MAEA: variants seen among roughly 807,000 people sequenced by gnomAD.
MAEA encodes macrophage erythroblast attacher, E3 ubiquitin ligase.
In MAEA, 22 loss-of-function variants were observed where a neutral mutation model predicts 46.2. The ratio of observed to expected loss-of-function variants is 0.48; its 90% CI spans 0.34 to 0.68. The LOEUF is 0.68. Among genes scored for constraint, MAEA ranks in the 30% least tolerant of loss-of-function variants. The pLI is 0.01. For synonymous variants in MAEA, 246 were observed against 222.6 expected, an observed-to-expected ratio of 1.11 and a Z score of -0.94; for missense variants, 393 against 558.1, an observed-to-expected ratio of 0.70 and a Z score of 2.98.
rs954954973 is a variant in MAEA, at chr4:1,336,965, G to C, written c.870G>C (p.Leu290=). The change falls in exon 7 of 9, where the codon CTG becomes CTC. Residue 290 remains leucine, a synonymous_variant. Coordinates refer to ENST00000303400, the MANE Select transcript of MAEA (RefSeq NM_001017405.3). ...LGNNSVFTLT[L]QAGLSAIKTP... is the part of the protein sequence containing the mutation. ...ACAATTCTGTGTTCACCCTCACCCT[G>C]CAGGCTGGCCTCTCAGCCATCAAGA... 3.2e-5 allele frequency: 52 copies of C among 1,613,918 alleles called. No individual in the cohort carries two copies. The highest frequency in any genetic ancestry group is 4.2e-5 in the Non-Finnish European group (49 of 1,180,032).
chr4:1,295,254 C>G (rs1734522496), intron 1 of MAEA, among the ~76,000 whole-genome samples: 1 of 152,118 alleles, frequency 6.6e-6, no homozygotes, highest in Non-Finnish European at 1.5e-5. Flanking sequence ...AAGCACACTT[C>G]CTGCCGGGGT....
chr4:1,326,668 C>T (rs907114475), intron 4 of MAEA, among the ~76,000 whole-genome samples: 1 of 151,616 alleles, frequency 6.6e-6, no homozygotes, highest in African/African-American at 2.4e-5. Context: ...CCAGCAGCCC[C>T]AACTCGGCCT....
At chr4:1,301,616 C>T (rs1735327990) in intron 1 of MAEA, among the ~76,000 whole-genome samples, 1 of 152,188 alleles carries the variant, frequency 6.6e-6, no homozygotes, top group African/African-American at 2.4e-5. Context: ...GCAGGAGTAT[C>T]ACTTGAGCCA....
intron 2 of MAEA, among the ~76,000 whole-genome samples, chr4:1,313,417 C>G (rs1736757070): frequency 1.3e-5 from 2 of 152,176 alleles, no homozygotes; most frequent in Non-Finnish European, 2.9e-5. Flanking sequence ...TGCCAGGTGC[C>G]ACACCTTACT....
chr4:1,336,214 T>C (rs1712739403), intron 6 of MAEA, among the ~76,000 whole-genome samples: 1 of 151,450 alleles, frequency 6.6e-6, no homozygotes, highest in Non-Finnish European at 1.5e-5. Flanking sequence ...CCGCAGAGTG[T>C]TGAAATCAGA....
chr4:1,290,342 C>T (rs1276846775), intron 1 of MAEA, among the ~76,000 whole-genome samples: 1 of 152,176 alleles, frequency 6.6e-6, no homozygotes, highest in Non-Finnish European at 1.5e-5. Context: ...GCGGCGTGCC[C>T]AGCCAGTGCC....
chr4:1,323,238 C>T (rs1361288348), intron 4 of MAEA, among the ~76,000 whole-genome samples: 2 of 152,134 alleles, frequency 1.3e-5, no homozygotes, highest in Admixed American at 6.5e-5. Flanking sequence ...AGCCACCGTG[C>T]CCGGCCGAGT....
rs907529130 is a variant in MAEA at position 1,290,791 on chromosome 4, G to C, written c.69+809G>C. Among the ~76,000 whole-genome samples the C allele has an allele frequency of 2.6e-5, 4 of 152,334 alleles. No homozygotes were observed. The South Asian group carries it at 8.3e-4, about 32-fold the overall frequency. ...TCTGAGGACGGACGGTGTGGCGACA[G>C]GTGTGGAGGATGCAGTATGGCCAGG... On this transcript the variant is annotated intron_variant, in intron 1 of 8. Coordinates refer to ENST00000303400, the MANE Select transcript of MAEA (RefSeq NM_001017405.3).
intron 7 of MAEA, chr4:1,337,389 ACT>A (rs1033976196): frequency 8.6e-5 from 21 of 243,406 alleles, no homozygotes; most frequent in Admixed American, 2.1e-4. Context: ...CCTGTGACCG[ACT>A]CTGTCTGCCT....
At chr4:1,329,626 G>C (rs1237373709) in intron 5 of MAEA, 21 of 985,552 alleles carry the variant, frequency 2.1e-5, no homozygotes, top group Non-Finnish European at 2.5e-5. Flanking sequence ...CCAGGTGCCA[G>C]GGCCTGGTCA....
At chr4:1,309,564 G>GCCAGC (rs775636371) in intron 1 of MAEA, 4 of 1,475,268 alleles carry the variant, frequency 2.7e-6, no homozygotes, top group Non-Finnish European at 3.6e-6. Context: ...ATAGCCCCGG[G>GCCAGC]CCAGCGCTGG....
chr4:1,335,247 T>TA, intron 6 of MAEA: 1 of 985,532 alleles, frequency 1.0e-6, no homozygotes, highest in Non-Finnish European at 1.2e-6. Context: ...TAAGAGTTTT[T>TA]ACACCTAATG....
chr4:1,294,235 C>A (rs1240194665), intron 1 of MAEA, among the ~76,000 whole-genome samples: 2 of 152,240 alleles, frequency 1.3e-5, no homozygotes. Flanking sequence ...CTCGCCTCTC[C>A]CACCGTTTGC....
intron 2 of MAEA, among the ~76,000 whole-genome samples, chr4:1,314,013 AAC>A (rs1441034623): frequency 4.6e-5 from 7 of 152,062 alleles, no homozygotes; most frequent in African/African-American, 1.7e-4. Flanking sequence ...CAGACTGGGC[AAC>A]AGAGTGAGAC....
Position 1,289,975 on chromosome 4 carries a change from C to T in MAEA, c.62C>T (p.Thr21Ile). Residue 21 changes from threonine (T) to isoleucine (I), a missense_variant, in exon 1 of 9, where the codon ACC becomes ATC. Transcript: ENST00000303400. ...SMTLKVQEYP[T>I]LKVPYETLNK... is the part of the protein sequence containing the mutation. Reference sequence around the variant, plus strand: ...ACCCTGAAGGTCCAGGAGTACCCGACCCTCAAGGTGGGCGCCTGCGCCGCG... The same window carrying T: ...ACCCTGAAGGTCCAGGAGTACCCGATCCTCAAGGTGGGCGCCTGCGCCGCG... The T allele has an allele frequency of 6.3e-7, 1 of 1,592,580 alleles. No individual in the cohort carries two copies. The highest frequency in any genetic ancestry group is 8.5e-7 in the Non-Finnish European group (1 of 1,169,728).
At chr4:1,297,988 G>A (rs1385015816) in intron 1 of MAEA, 1 of 456,166 alleles carries the variant, frequency 2.2e-6, no homozygotes, top group Admixed American at 2.3e-5. Context: ...GCTGTGCAAG[G>A]CCCCTGCACT....
At chr4:1,317,042 CCGGTCCCACACT>C (rs1737321434) in intron 3 of MAEA, among the ~76,000 whole-genome samples, 1 of 123,960 alleles carries the variant, frequency 8.1e-6, no homozygotes, top group Non-Finnish European at 1.8e-5. Context: ...GCAGGCCCAC[CCGGTCCCACACT>C]CCAGACTCAC....
At chr4:1,305,685 C>T (rs1735756597) in intron 1 of MAEA, among the ~76,000 whole-genome samples, 1 of 152,180 alleles carries the variant, frequency 6.6e-6, no homozygotes, top group Non-Finnish European at 1.5e-5. Flanking sequence ...TGCCGGGGTT[C>T]TCCAGAGAAA....
rs1737013660 is a variant in MAEA, at chr4:1,315,551, G to A, written c.407G>A (p.Cys136Tyr). The A allele has an allele frequency of 1.9e-6, 3 of 1,613,590 alleles. No homozygotes were observed. The highest frequency in any genetic ancestry group is 1.1e-5 in the South Asian group (1 of 91,090). The change falls in exon 3 of 9, where the codon TGC becomes TAC. Residue 136 changes from cysteine to tyrosine, a missense_variant. Coordinates refer to ENST00000303400, the MANE Select transcript of MAEA (RefSeq NM_001017405.3). ...ATGATGGTGGAGCACCTGCTGCGTT[G>A]CGGCTACTACAACACGGCTGTCAAG... ...DRMMVEHLLR[C>Y]GYYNTAVKLA... is the part of the protein sequence containing the mutation.
Sources: gnomAD v4.1 joint callset for allele counts (sites outside exome capture counted in the v4.1 genomes callset) on GRCh38, gnomAD v4.1.1 for gene constraint, MANE v1.5 for transcripts, NCBI Gene and HGNC (gene_info 2026-07-23, HGNC 2026-07-21) for gene names.